The following ADAMTS2 variants were observed in gnomAD, a reference collection of about 807,000 sequenced individuals.
ADAMTS2 encodes ADAM metallopeptidase with thrombospondin type 1 motif 2.
Under a neutral mutation model 123.0 loss-of-function variants are expected in ADAMTS2, and 50 were observed. The observed-to-expected ratio is 0.41, with a 90% CI of 0.32 to 0.51. ADAMTS2 has a LOEUF of 0.51. Ranked by LOEUF, ADAMTS2 falls within the 20% of genes least tolerant of loss-of-function variation. ADAMTS2 has a pLI of 0.35. For missense variants in ADAMTS2, 1,494 were observed against 1,705.2 expected (o/e 0.88, Z 2.18); for synonymous variants, 678 against 695.4 (o/e 0.98, Z 0.39).
chr5:179,154,592 G>C lies in ADAMTS2; in HGVS notation c.1238+222C>G, dbSNP rs113799563. Reference sequence around the variant, plus strand: ...TCCCCAGCTCTAGCTGGCCCAGAGCGCCTGCTCAGTCTGCAGGCAAGCCCT... The same window carrying C: ...TCCCCAGCTCTAGCTGGCCCAGAGCCCCTGCTCAGTCTGCAGGCAAGCCCT... On this transcript the variant is annotated intron_variant, in intron 7 of 21. Transcript: ENST00000251582. 8.5e-5 allele frequency among the ~76,000 whole-genome samples: 13 copies of C among 152,344 alleles called. 1 individual carries two copies. Among genetic ancestry groups the C allele is most frequent in the African/African-American group, 3.1e-4 (13 of 41,594 alleles).
At chr5:179,275,551 C>T (rs936717603) in intron 2 of ADAMTS2, among the ~76,000 whole-genome samples, 25 of 152,096 alleles carry the variant, frequency 1.6e-4, no homozygotes, top group Admixed American at 1.4e-3. Flanking sequence ...TTCCTTATGC[C>T]GGGGAGTGGA....
At chr5:179,237,149 G>C (rs1765547874) in intron 3 of ADAMTS2, among the ~76,000 whole-genome samples, 1 of 152,196 alleles carries the variant, frequency 6.6e-6, no homozygotes, top group Non-Finnish European at 1.5e-5. Context: ...TCTAGCCCCA[G>C]CTACGTGAGA....
At chr5:179,239,951 G>A (rs997256569) in intron 3 of ADAMTS2, among the ~76,000 whole-genome samples, 1 of 152,182 alleles carries the variant, frequency 6.6e-6, no homozygotes, top group Non-Finnish European at 1.5e-5. Flanking sequence ...ACCTCGGGGA[G>A]GGTGCCTCTG....
At position 179,141,875 on chromosome 5, in the gene ADAMTS2, C is replaced by G. The variant is rs144660684; in HGVS notation, c.1630-1840G>C. 8.8e-3 allele frequency among the ~76,000 whole-genome samples: 1,337 copies of G among 152,278 alleles called. 3 individuals are homozygous for G. The highest frequency in any genetic ancestry group is 0.02 in the Middle Eastern group (6 of 294). The stretch of plus-strand genomic sequence containing the variant: ...GGGCACAAGCTCTGCTCCAGGTACA[C>G]CAGGCCAAGAATGGTGGACCTGATA... On this transcript the variant is annotated intron_variant, in intron 10 of 21. Transcript: ENST00000251582.
intron 2 of ADAMTS2, among the ~76,000 whole-genome samples, chr5:179,306,012 G>C (rs1454461232): frequency 1.3e-5 from 2 of 151,952 alleles, no homozygotes; most frequent in Non-Finnish European, 2.9e-5. Context: ...GAAATTTCCA[G>C]GTCTAGACGG....
In ADAMTS2 at chr5:179,130,357, G is replaced by A. The variant is rs992175372; in HGVS notation, c.2291-259C>T. Among the ~76,000 whole-genome samples, 3 of 152,174 alleles carry A rather than the reference G, an allele frequency of 2.0e-5. No homozygotes were observed. Among genetic ancestry groups the A allele is most frequent in the African/African-American group, 7.2e-5 (3 of 41,454 alleles). On this transcript the variant is annotated intron_variant, in intron 15 of 21. Transcript: ENST00000251582. This position sits in a 1 kb window ranked among gnomAD's most constrained non-coding sequence, Gnocchi z 4.3. ...AGCCCTGGAGGTGCCGGCTCCCCTT[G>A]GAAGCCACTCAGTAGCCGTCAAGGC...
chr5:179,269,678 C>T (rs1766476658), intron 3 of ADAMTS2, among the ~76,000 whole-genome samples: 1 of 152,142 alleles, frequency 6.6e-6, no homozygotes, highest in African/African-American at 2.4e-5. Context: ...TTGTTTCAAG[C>T]TCCGTGAGGA....
At chr5:179,289,880 C>G (rs1235822850) in intron 2 of ADAMTS2, among the ~76,000 whole-genome samples, 1 of 152,182 alleles carries the variant, frequency 6.6e-6, no homozygotes, top group African/African-American at 2.4e-5. Flanking sequence ...GGGGATGCAC[C>G]GTCTACAAAA....
At chr5:179,333,605 T>G (rs1175461707) in intron 2 of ADAMTS2, among the ~76,000 whole-genome samples, 3 of 147,900 alleles carry the variant, frequency 2.0e-5, no homozygotes, top group East Asian at 2.0e-4. Flanking sequence ...TGTTTTTTTT[T>G]TTTTTTTTTT....
chr5:179,182,811 C>T (rs1456588597), intron 4 of ADAMTS2, among the ~76,000 whole-genome samples: 1 of 152,156 alleles, frequency 6.6e-6, no homozygotes, highest in Non-Finnish European at 1.5e-5. Context: ...GGGCTGTAGG[C>T]GTCTGGGGAG....
rs1359641081 is a variant in ADAMTS2 at position 179,181,740 on chromosome 5, C to T, written c.892-585G>A. On this transcript the variant is annotated intron_variant, in intron 4 of 21. Coordinates refer to ENST00000251582, the MANE Select transcript of ADAMTS2 (RefSeq NM_014244.5). The surrounding 1 kb of genome is among the most constrained non-coding windows in gnomAD (Gnocchi z 4.1). ...TGATGGCTGGAGCTCCTGCAGTCGCCGTCTCTGTATTTATCACAATCATAT... is the reference window on the plus strand; with the variant it reads ...TGATGGCTGGAGCTCCTGCAGTCGCTGTCTCTGTATTTATCACAATCATAT... Among the ~76,000 whole-genome samples, 3 of 152,162 alleles carry T rather than the reference C, an allele frequency of 2.0e-5. No homozygotes were observed. The highest frequency in any genetic ancestry group is 4.4e-5 in the Non-Finnish European group (3 of 68,036).
chr5:179,211,632 G>A (rs758235374), intron 3 of ADAMTS2, among the ~76,000 whole-genome samples: 53 of 152,218 alleles, frequency 3.5e-4, no homozygotes, highest in Admixed American at 2.2e-3. Flanking sequence ...AGACTCTATC[G>A]AAGAGTCAAT....
In ADAMTS2 at chr5:179,132,829, G is replaced by C; in HGVS notation, c.2157C>G (p.Asn719Lys). Residue 719 changes from asparagine to lysine, a missense_variant, in exon 14 of 22, where the codon AAC (asparagine) becomes AAG (lysine). By Grantham distance (94) the Asn-to-Lys change is moderately conservative (BLOSUM62 0). Coordinates refer to ENST00000251582, the MANE Select transcript of ADAMTS2 (RefSeq NM_014244.5). The surrounding 1 kb of genome is among the most constrained non-coding windows in gnomAD (Gnocchi z 6.1). The part of the protein sequence containing the change: ...EDKCGVCGGD[N>K]SHCKVVKGTF... ...TGCCCTTGACCACTTTGCAGTGGCT[G>C]TTGTCCCCTCCGCACACGCCACACT... 1 of 1,614,124 alleles carries C rather than the reference G, an allele frequency of 6.2e-7. No homozygotes were observed. Among genetic ancestry groups the C allele is most frequent in the Non-Finnish European group, 8.5e-7 (1 of 1,180,032 alleles).
At chr5:179,315,545 C>T (rs2113583355) in intron 2 of ADAMTS2, among the ~76,000 whole-genome samples, 1 of 152,370 alleles carries the variant, frequency 6.6e-6, no homozygotes, top group South Asian at 2.1e-4. Flanking sequence ...CATGAGCCCT[C>T]CTAGCACCAC....
intron 2 of ADAMTS2, among the ~76,000 whole-genome samples, chr5:179,277,094 C>A (rs889925606): frequency 1.2e-4 from 18 of 152,246 alleles, no homozygotes; most frequent in Middle Eastern, 3.4e-3. Flanking sequence ...GGCACCCCTG[C>A]AGGCGACTCC....
rs1245644315 is a variant in ADAMTS2, at chr5:179,202,186, C to T, written c.891+5327G>A. Among the ~76,000 whole-genome samples the T allele has an allele frequency of 2.6e-5, 4 of 152,004 alleles. No individual in the cohort carries two copies. Among genetic ancestry groups the T allele is most frequent in the African/African-American group, 7.2e-5 (3 of 41,432 alleles). On this transcript the variant is annotated intron_variant, in intron 4 of 21. Transcript: ENST00000251582. The surrounding 1 kb of genome is among the most constrained non-coding windows in gnomAD (Gnocchi z 4.0). ...GGAAGACTGCGGCGGCCGGCCTTGC[C>T]GGCCCCGACTTCCCCTACCTGTGCC... is the stretch of plus-strand genomic sequence containing the variant.
chr5:179,300,093 T>TTAAA (rs1285708125), intron 2 of ADAMTS2, among the ~76,000 whole-genome samples: 1 of 37,362 alleles, frequency 2.7e-5, no homozygotes, highest in African/African-American at 1.0e-4. Context: ...AGACTCCGTC[T>TTAAA]CAAAAAAAAA....
intron 2 of ADAMTS2, among the ~76,000 whole-genome samples, chr5:179,299,477 C>A (rs151111310): frequency 7.0e-6 from 1 of 143,410 alleles, no homozygotes; most frequent in Non-Finnish European, 1.5e-5. Flanking sequence ...TGCAGTGAGC[C>A]AAGATCACAC....
intron 3 of ADAMTS2, among the ~76,000 whole-genome samples, chr5:179,221,631 G>T (rs568699533): frequency 6.6e-5 from 10 of 152,242 alleles, no homozygotes; most frequent in African/African-American, 2.2e-4. Context: ...CCTCCAGGAC[G>T]CTCCCATGCC....
Sources: allele counts gnomAD v4.1 joint callset (sites outside exome capture counted in the v4.1 genomes callset), GRCh38; gene constraint gnomAD v4.1.1; non-coding constraint Gnocchi (gnomAD v3.1); transcripts MANE v1.5; gene names NCBI Gene and HGNC (gene_info 2026-07-23, HGNC 2026-07-21).